Variants in PPM1L observed in about 807,000 individuals in gnomAD.
PPM1L encodes the protein protein phosphatase 1L.
Under a neutral mutation model 31.4 loss-of-function variants are expected in PPM1L, and 13 were observed. The ratio of observed to expected loss-of-function variants is 0.41; its 90% CI spans 0.27 to 0.66. PPM1L has a LOEUF of 0.66. Among genes scored for constraint, PPM1L ranks in the 30% least tolerant of loss-of-function variants. The pLI, the probability that PPM1L is intolerant of heterozygous loss-of-function variation, is 0.29. For synonymous variants in PPM1L, 184 were observed against 175.4 expected, an observed-to-expected ratio of 1.05 and a Z score of -0.39; for missense variants, 326 against 453.7, an observed-to-expected ratio of 0.72 and a Z score of 2.56.
At chr3:160,809,102 C>T (rs1712730249) in intron 1 of PPM1L, among the ~76,000 whole-genome samples, 1 of 152,176 alleles carries the variant, frequency 6.6e-6, no homozygotes, top group African/African-American at 2.4e-5. Context: ...CTCCCGAGGT[C>T]CAGCTCTGCC....
rs1715160073 is a variant in PPM1L, at chr3:160,941,467, C to T, written c.400-20269C>T. On this transcript the variant is annotated intron_variant, in intron 1 of 3. Coordinates refer to ENST00000498165, the MANE Select transcript of PPM1L (RefSeq NM_139245.4). ...AGGGACCCCGCAGAGGTAATTGAATCATGGGGGCCAGTGTTTCTCATGGTA... is the reference window on the plus strand; with the variant it reads ...AGGGACCCCGCAGAGGTAATTGAATTATGGGGGCCAGTGTTTCTCATGGTA... Among the ~76,000 whole-genome samples the T allele has an allele frequency of 2.0e-5, 3 of 152,246 alleles. No individual in the cohort carries two copies. The South Asian group carries it at 6.2e-4, about 32-fold the overall frequency.
At chr3:161,020,140 A>AG (rs1272511146) in intron 2 of PPM1L, among the ~76,000 whole-genome samples, 2 of 151,860 alleles carry the variant, frequency 1.3e-5, no homozygotes, top group Non-Finnish European at 2.9e-5. Flanking sequence ...AAAAAAAAAA[A>AG]AGTTGTACTA....
intron 2 of PPM1L, among the ~76,000 whole-genome samples, chr3:161,038,503 G>T (rs1202318555): frequency 3.4e-5 from 5 of 147,680 alleles, no homozygotes; most frequent in Non-Finnish European, 7.4e-5. Context: ...TAGAAACGTG[G>T]TCTCACTATG....
chr3:160,881,113 A>G (rs1408980633), intron 1 of PPM1L, among the ~76,000 whole-genome samples: 1 of 152,226 alleles, frequency 6.6e-6, no homozygotes, highest in Non-Finnish European at 1.5e-5. Flanking sequence ...CTAAGGTAAT[A>G]TTCTTCTAAC....
intron 1 of PPM1L, among the ~76,000 whole-genome samples, chr3:160,926,886 T>C (rs1164181524): frequency 6.6e-6 from 1 of 152,214 alleles, no homozygotes; most frequent in Non-Finnish European, 1.5e-5. Flanking sequence ...GGAACCTCTT[T>C]AAGAGGCAAG....
At chr3:160,860,887 G>C (rs1242582811) in intron 1 of PPM1L, among the ~76,000 whole-genome samples, 1 of 152,040 alleles carries the variant, frequency 6.6e-6, no homozygotes, top group African/African-American at 2.4e-5. Flanking sequence ...CATTCATGAG[G>C]GTTTCATCAT....
intron 1 of PPM1L, among the ~76,000 whole-genome samples, chr3:160,897,234 G>A (rs532303005): frequency 3.3e-5 from 5 of 151,826 alleles, no homozygotes; most frequent in Admixed American, 2.6e-4. Context: ...GTAGAGATGG[G>A]GTTTCACCAT....
intron 2 of PPM1L, among the ~76,000 whole-genome samples, chr3:161,047,837 A>T (rs60768391): frequency 0.14 from 20,555 of 152,116 alleles, 1,896 homozygotes; most frequent in African/African-American, 0.28. Context: ...GAAATGGGGA[A>T]AGGATTCCCT....
At chr3:161,010,125 G>T (rs1476450034) in intron 2 of PPM1L, among the ~76,000 whole-genome samples, 1 of 152,054 alleles carries the variant, frequency 6.6e-6, no homozygotes, top group Non-Finnish European at 1.5e-5. Flanking sequence ...TTTACATTAG[G>T]TATATCTCAT....
chr3:160,920,353 T>G (rs1714344868), intron 1 of PPM1L, among the ~76,000 whole-genome samples: 1 of 152,128 alleles, frequency 6.6e-6, no homozygotes, highest in Admixed American at 6.6e-5. Context: ...GCTCCCAGTA[T>G]CTCAACCATG....
chr3:160,991,579 A>G (rs567566961), intron 2 of PPM1L, among the ~76,000 whole-genome samples: 3 of 152,066 alleles, frequency 2.0e-5, no homozygotes, highest in Admixed American at 6.5e-5. Context: ...ATTTTTTTAA[A>G]TGTTCTTTCC....
At chr3:160,933,404 A>C (rs533145686) in intron 1 of PPM1L, among the ~76,000 whole-genome samples, 3 of 152,362 alleles carry the variant, frequency 2.0e-5, no homozygotes, top group Admixed American at 1.3e-4. Context: ...TGAAACAAAA[A>C]TAGGGTAAGC....
At chr3:160,998,523 T>G (rs895590320) in intron 2 of PPM1L, among the ~76,000 whole-genome samples, 3 of 152,132 alleles carry the variant, frequency 2.0e-5, no homozygotes, top group African/African-American at 7.2e-5. Context: ...GACTTTATCA[T>G]TACCTTCTTC....
chr3:160,976,313 A>C (rs1217389079), intron 2 of PPM1L, among the ~76,000 whole-genome samples: 1 of 146,264 alleles, frequency 6.8e-6, no homozygotes, highest in Non-Finnish European at 1.5e-5. Flanking sequence ...AATGTTCATC[A>C]AGGATATTGG....
At chr3:160,949,909 A>G (rs1210991317) in intron 1 of PPM1L, among the ~76,000 whole-genome samples, 1 of 152,244 alleles carries the variant, frequency 6.6e-6, no homozygotes, top group East Asian at 1.9e-4. Context: ...AACTATATGT[A>G]TGCAGTAGAT....
chr3:161,042,499 A>G (rs1216940129), intron 2 of PPM1L, among the ~76,000 whole-genome samples: 1 of 152,218 alleles, frequency 6.6e-6, no homozygotes, highest in Admixed American at 6.5e-5. Context: ...ACACAAGGCC[A>G]GACCAACTCA....
chr3:160,882,619 A>G (rs1712763110), intron 1 of PPM1L, among the ~76,000 whole-genome samples: 1 of 152,168 alleles, frequency 6.6e-6, no homozygotes, highest in Non-Finnish European at 1.5e-5. Context: ...TCAATTTCCA[A>G]ATAAGTTCAC....
chr3:161,028,020 A>G (rs1718459646), intron 2 of PPM1L, among the ~76,000 whole-genome samples: 1 of 152,222 alleles, frequency 6.6e-6, no homozygotes, highest in Non-Finnish European at 1.5e-5. Flanking sequence ...GTTCGGCCTC[A>G]TGGCTGGCAA....
At chr3:160,892,149 A>T (rs1263327257) in intron 1 of PPM1L, among the ~76,000 whole-genome samples, 1 of 152,162 alleles carries the variant, frequency 6.6e-6, no homozygotes, top group East Asian at 1.9e-4. Context: ...ATAAAATAAA[A>T]TGGAAATATA....
Sources: gnomAD v4.1 joint callset for allele counts (sites outside exome capture counted in the v4.1 genomes callset) on GRCh38, gnomAD v4.1.1 for gene constraint, MANE v1.5 for transcripts, NCBI Gene and HGNC (gene_info 2026-07-23, HGNC 2026-07-21) for gene names.